The following UBE2H variants were observed in gnomAD, a reference collection of about 807,000 sequenced individuals.
The protein encoded by UBE2H is ubiquitin conjugating enzyme E2 H, also known as ubiquitin-conjugating enzyme E2 H.
In UBE2H, 3 loss-of-function variants were observed where a neutral mutation model predicts 29.0. The observed-to-expected ratio is 0.10, with a 90% CI of 0.05 to 0.27. The LOEUF is 0.27. Ranked by LOEUF, UBE2H falls within the 10% of genes least tolerant of loss-of-function variation. The pLI, the probability that UBE2H is intolerant of heterozygous loss-of-function variation, is 1.00. For missense variants in UBE2H, 68 were observed against 228.2 expected (o/e 0.30, Z 4.52); for synonymous variants, 69 against 82.9 (o/e 0.83, Z 0.91).
At chr7:129,900,915 T>C (rs1204658874) in intron 1 of UBE2H, among the ~76,000 whole-genome samples, 2 of 152,062 alleles carry the variant, frequency 1.3e-5, no homozygotes, top group African/African-American at 4.8e-5. Context: ...CACGCCCGGC[T>C]AATTTTTTGT....
intron 1 of UBE2H, among the ~76,000 whole-genome samples, chr7:129,884,433 A>G (rs1218967632): frequency 6.6e-6 from 1 of 151,804 alleles, no homozygotes; most frequent in Non-Finnish European, 1.5e-5. Context: ...AAAAAAAAAA[A>G]ATTTCTCTAC....
intron 3 of UBE2H, among the ~76,000 whole-genome samples, chr7:129,861,206 G>A (rs1190914110): frequency 2.6e-5 from 4 of 151,232 alleles, no homozygotes; most frequent in Admixed American, 6.6e-5. Context: ...CCTGGGTGAC[G>A]GAGTGAGACT....
chr7:129,891,298 G>T (rs959465279), intron 1 of UBE2H, among the ~76,000 whole-genome samples: 2 of 151,936 alleles, frequency 1.3e-5, no homozygotes, highest in South Asian at 4.1e-4. Context: ...AGAGTCTCCT[G>T]CCTCAACCTC....
intron 5 of UBE2H, among the ~76,000 whole-genome samples, chr7:129,849,842 T>C (rs929745558): frequency 2.6e-5 from 4 of 152,282 alleles, no homozygotes; most frequent in Admixed American, 2.6e-4. Context: ...ATACAATTAC[T>C]TGACTGAGAG....
intron 1 of UBE2H, among the ~76,000 whole-genome samples, chr7:129,936,614 A>G (rs961706959): frequency 6.7e-6 from 1 of 149,832 alleles, no homozygotes; most frequent in Admixed American, 6.7e-5. Context: ...AAAAAATAGA[A>G]TTTCTAATTC....
At chr7:129,921,694 CAA>C (rs1047164274) in intron 1 of UBE2H, among the ~76,000 whole-genome samples, 112 of 68,504 alleles carry the variant, frequency 1.6e-3, no homozygotes, top group African/African-American at 5.1e-3. Flanking sequence ...GACTCTGTCA[CAA>C]AAAAAAAAAA....
chr7:129,878,172 C>T (rs143546278), intron 3 of UBE2H, among the ~76,000 whole-genome samples: 79 of 152,200 alleles, frequency 5.2e-4, no homozygotes, highest in African/African-American at 1.7e-3. Flanking sequence ...GGTGTACAGG[C>T]GTATACGTTT....
chr7:129,936,804 G>GAAAA (rs1171897255), intron 1 of UBE2H, among the ~76,000 whole-genome samples: 1 of 78,016 alleles, frequency 1.3e-5, no homozygotes, highest in African/African-American at 4.9e-5. Flanking sequence ...TCTCTACTAG[G>GAAAA]AAAAAAAAAA....
At chr7:129,907,285 G>T (rs1206073971) in intron 1 of UBE2H, among the ~76,000 whole-genome samples, 1 of 152,172 alleles carries the variant, frequency 6.6e-6, no homozygotes, top group Non-Finnish European at 1.5e-5. Context: ...AAAACAAGCG[G>T]TATGACAGCT....
At position 129,941,142 on chromosome 7, in the gene UBE2H, A is replaced by G. The variant is rs1368890283; in HGVS notation, c.53+11361T>C. On this transcript the variant is annotated intron_variant, in intron 1 of 6. Transcript: ENST00000355621. The stretch of plus-strand genomic sequence containing the variant: ...GCTAATTTTTTGTATTTTAGTAGAG[A>G]CAGGGTTTCACCATGTTGCCCAGGC... Among the ~76,000 whole-genome samples, 3 of 152,230 alleles carry G rather than the reference A, an allele frequency of 2.0e-5. No individual in the cohort carries two copies. In the East Asian group the frequency reaches 5.8e-4, roughly 30 times the overall value.
chr7:129,855,425 C>A (rs1805686266), intron 5 of UBE2H, among the ~76,000 whole-genome samples: 1 of 152,102 alleles, frequency 6.6e-6, no homozygotes, highest in Non-Finnish European at 1.5e-5. Context: ...GACATTTTTA[C>A]CAAAAAAACC....
rs898182142 is a variant in UBE2H at position 129,952,742 on chromosome 7, G to A, written c.-187C>T. 12 of 538,536 alleles carry A rather than the reference G, an allele frequency of 2.2e-5. No individual in the cohort carries two copies. The highest frequency in any genetic ancestry group is 4.6e-5 in the Admixed American group (1 of 21,728). 33.4% of individuals were successfully genotyped at this position (538,536 alleles called of 1,614,324 possible). A position where few individuals can be genotyped will look rare whatever the true frequency, so the allele number is the denominator to read the frequency against. ...AACACCGGGCACTGTCCGGCCGGGT[G>A]GGGGTGGGGACCCTGCGGCGCCCGG... On this transcript the variant is annotated 5_prime_UTR_variant, in exon 1 of 7. Transcript: ENST00000355621.
chr7:129,912,828 TGTTCAA>T (rs1409249710), intron 1 of UBE2H, among the ~76,000 whole-genome samples: 1 of 152,230 alleles, frequency 6.6e-6, no homozygotes, highest in Non-Finnish European at 1.5e-5. Context: ...ATGTACACTA[TGTTCAA>T]GTTCAACAAG....
intron 1 of UBE2H, among the ~76,000 whole-genome samples, chr7:129,951,733 C>A (rs1259799803): frequency 6.6e-6 from 1 of 152,118 alleles, no homozygotes; most frequent in African/African-American, 2.4e-5. Context: ...AAGTTTTGCC[C>A]AAGTGGCCAG....
At chr7:129,850,895 G>A (rs1401512941) in intron 5 of UBE2H, among the ~76,000 whole-genome samples, 2 of 151,640 alleles carry the variant, frequency 1.3e-5, no homozygotes, top group East Asian at 1.9e-4. Context: ...AAAGGAGAGA[G>A]AGAGAAAGAA....
intron 1 of UBE2H, among the ~76,000 whole-genome samples, chr7:129,901,035 C>T (rs1405727111): frequency 4.6e-5 from 7 of 152,102 alleles, no homozygotes; most frequent in Non-Finnish European, 8.8e-5. Flanking sequence ...ACAGGCGTGA[C>T]TCACCGTACC....
rs567590764 is a variant in UBE2H at position 129,832,382 on chromosome 7, C to A, written c.*2555G>T. The A allele has an allele frequency of 1.3e-5, 2 of 152,278 alleles. No homozygotes were observed. Among genetic ancestry groups the A allele is most frequent in the East Asian group, 3.9e-4 (2 of 5,188 alleles). The allele number at this position is 152,278 out of a possible 1,614,324, so 9.4% of individuals were successfully genotyped here. A position where few individuals can be genotyped will look rare whatever the true frequency, so the allele number is the denominator to read the frequency against. On this transcript the variant is annotated 3_prime_UTR_variant, in exon 7 of 7. Coordinates refer to ENST00000355621, the MANE Select transcript of UBE2H (RefSeq NM_003344.4). ...ACAAGAGGGCACAGTGGGATCCATGCGGCAATTACAGGAGCTTCCAGCACT... is the reference window on the plus strand; with the variant it reads ...ACAAGAGGGCACAGTGGGATCCATGAGGCAATTACAGGAGCTTCCAGCACT...
rs34454670 is a variant in UBE2H at position 129,938,413 on chromosome 7, C to CAAAAAA, written c.53+14084_53+14089dup. On this transcript the variant is annotated intron_variant, in intron 1 of 6. Transcript: ENST00000355621. ...CAACAGAGAGAGAGACTGCCTCATT[C>CAAAAAA]AAAAAAAAAAAAAAAAAAAAAAAAA... 5.5e-4 allele frequency among the ~76,000 whole-genome samples: 21 copies of CAAAAAA among 38,040 alleles called. 6 individuals carry two copies. The highest frequency in any genetic ancestry group is 2.5e-3 in the East Asian group (2 of 800). The allele number at this position is 38,040 out of a possible 152,430, so 25.0% of individuals were successfully genotyped here.
chr7:129,882,246 T>G (rs1337933813), intron 1 of UBE2H, among the ~76,000 whole-genome samples: 1 of 152,170 alleles, frequency 6.6e-6, no homozygotes, highest in Non-Finnish European at 1.5e-5. Context: ...TGATTCTCAG[T>G]AGGAATTTTA....
Sources: allele counts gnomAD v4.1 joint callset (sites outside exome capture counted in the v4.1 genomes callset), GRCh38; gene constraint gnomAD v4.1.1; transcripts MANE v1.5; gene names NCBI Gene and HGNC (gene_info 2026-07-23, HGNC 2026-07-21).